Variants in PLCB1 observed in about 807,000 individuals in gnomAD.
PLCB1 encodes 1-phosphatidylinositol 4,5-bisphosphate phosphodiesterase beta-1.
In PLCB1, 46 loss-of-function variants were observed where a neutral mutation model predicts 161.8. The ratio of observed to expected loss-of-function variants is 0.28; its 90% CI spans 0.22 to 0.36. The LOEUF is 0.36. Ranked by LOEUF, PLCB1 falls within the 10% of genes least tolerant of loss-of-function variation. The pLI, the probability that PLCB1 is intolerant of heterozygous loss-of-function variation, is 1.00. For synonymous variants in PLCB1, 517 were observed against 503.7 expected (o/e 1.03, Z -0.35); for missense variants, 1,016 against 1,472.5 (o/e 0.69, Z 5.07).
At chr20:8,224,760 C>G (rs928620153) in intron 2 of PLCB1, among the ~76,000 whole-genome samples, 11 of 152,090 alleles carry the variant, frequency 7.2e-5, no homozygotes, top group African/African-American at 2.7e-4. Flanking sequence ...CCCCGCCCAC[C>G]ACGCCACCCC....
At chr20:8,831,912 C>CTCTCTCTT in intron 31 of PLCB1, among the ~76,000 whole-genome samples, 1 of 58,572 alleles carries the variant, frequency 1.7e-5, no homozygotes, top group African/African-American at 6.0e-5. Flanking sequence ...CTCTTTCTTT[C>CTCTCTCTT]TCTTTCTTTC....
intron 10 of PLCB1, among the ~76,000 whole-genome samples, chr20:8,686,443 G>A (rs976717446): frequency 2.0e-5 from 3 of 152,014 alleles, no homozygotes; most frequent in Non-Finnish European, 2.9e-5. Flanking sequence ...GATTTTTTAC[G>A]AATAATCTTT....
chr20:8,303,354 T>A (rs2662993), intron 2 of PLCB1, among the ~76,000 whole-genome samples: 2,086 of 152,298 alleles, frequency 0.014, 51 homozygotes, highest in African/African-American at 0.046. Flanking sequence ...GAAGAGATAC[T>A]TACCCTCCTG....
Position 8,516,691 on chromosome 20 carries a change from ATATATATATATATATATATG to A in PLCB1, c.247-111599_247-111580del, listed in dbSNP as rs1292854086. Among the ~76,000 whole-genome samples, 28 of 131,852 alleles carry A rather than the reference ATATATATATATATATATATG, an allele frequency of 2.1e-4. 1 individual carries two copies. Among genetic ancestry groups the A allele is most frequent in the Admixed American group, 1.1e-3 (15 of 13,246 alleles). 86.5% of individuals were successfully genotyped at this position (131,852 alleles called of 152,430 possible). On this transcript the variant is annotated intron_variant, in intron 3 of 31. Transcript: ENST00000338037. ...TATATATATATATATATATATATAT[ATATATATATATATATATATG>A]TATTCCATTTTGATGCTATATACTA...
chr20:8,463,994 T>G (rs2122694240), intron 3 of PLCB1, among the ~76,000 whole-genome samples: 1 of 152,296 alleles, frequency 6.6e-6, no homozygotes, highest in East Asian at 1.9e-4. Flanking sequence ...CCGGGAGTAT[T>G]GTTAAATATT....
rs977585163 is a variant in PLCB1 at position 8,366,880 on chromosome 20, T to A, written c.178-4502T>A. ...ATTCCTTTCTCATTGTTGGATGGAC[T>A]TCAAGGTTAGAGAGAACAAATTTTA... On this transcript the variant is annotated intron_variant, in intron 2 of 31. Coordinates refer to ENST00000338037, the MANE Select transcript of PLCB1 (RefSeq NM_015192.4). 7.2e-5 allele frequency among the ~76,000 whole-genome samples: 11 copies of A among 152,366 alleles called. No individual in the cohort carries two copies. In the Middle Eastern group the frequency reaches 0.014, roughly 188 times the overall value.
Position 8,132,680 on chromosome 20 carries a change from C to G in PLCB1, c.29C>G (p.Ala10Gly), listed in dbSNP as rs1568564198. 6.2e-7 allele frequency: 1 copy of G among 1,612,744 alleles called. No homozygotes were observed. Reference protein sequence around the residue: MAGAQPGVHALQLKPVCVSD... With the variant: MAGAQPGVHGLQLKPVCVSD... ...GCCGGGGCTCAACCCGGAGTGCACG[C>G]CTTGCAACTCAAGCCCGTGTGCGTG... The change falls in exon 1 of 32, where the codon GCC (alanine) becomes GGC (glycine). Residue 10 changes from alanine to glycine, a missense_variant. Physicochemically the swap from Ala to Gly is moderately conservative, Grantham distance 60. This residue lies in a region of PLCB1 where 181 missense variants were observed against 236.7 expected (regional missense o/e 0.76). Transcript: ENST00000338037. This position sits in a 1 kb window ranked among gnomAD's most constrained non-coding sequence, Gnocchi z 5.2.
At chr20:8,442,856 CTT>C (rs905463519) in intron 3 of PLCB1, among the ~76,000 whole-genome samples, 4 of 152,058 alleles carry the variant, frequency 2.6e-5, no homozygotes, top group Non-Finnish European at 5.9e-5. Context: ...GCTACCAAGT[CTT>C]TGTTATTCCC....
intron 31 of PLCB1, among the ~76,000 whole-genome samples, chr20:8,845,125 T>TAAATAAAATA (rs11474524): frequency 0.044 from 6,603 of 151,176 alleles, 214 homozygotes; most frequent in African/African-American, 0.087. Context: ...AAAAAATAAA[T>TAAATAAAATA]AAATAAAATA....
intron 3 of PLCB1, chr20:8,371,991 G>T (rs578049003): frequency 6.6e-6 from 1 of 152,358 alleles, no homozygotes; most frequent in South Asian, 2.1e-4. Context: ...ATTCAAAGAA[G>T]TGTTTGCAGT....
Position 8,788,435 on chromosome 20 carries a change from T to G in PLCB1, c.3112-14T>G. ...AATCATTTGAAATAGCAAACTGACA[T>G]TTTCTTTTTCCAGCTTATTCAAAAG... On this transcript the variant is annotated splice_polypyrimidine_tract_variant and intron_variant, in intron 27 of 31. Coordinates refer to ENST00000338037, the MANE Select transcript of PLCB1 (RefSeq NM_015192.4). 6.2e-7 allele frequency: 1 copy of G among 1,611,338 alleles called. No homozygotes were observed. The highest frequency in any genetic ancestry group is 8.5e-7 in the Non-Finnish European group (1 of 1,178,792).
chr20:8,517,294 G>T (rs1033572987), intron 3 of PLCB1, among the ~76,000 whole-genome samples: 24 of 152,182 alleles, frequency 1.6e-4, no homozygotes, highest in African/African-American at 5.8e-4. Context: ...TGAAACAACA[G>T]TAGTTGCTCT....
At chr20:8,230,287 G>A (rs1240396740) in intron 2 of PLCB1, among the ~76,000 whole-genome samples, 1 of 151,846 alleles carries the variant, frequency 6.6e-6, no homozygotes, top group East Asian at 1.9e-4. Context: ...TACATATTTG[G>A]GATACATGTG....
At chr20:8,538,795 CTTT>C (rs3032826) in intron 3 of PLCB1, among the ~76,000 whole-genome samples, 1 of 141,636 alleles carries the variant, frequency 7.1e-6, no homozygotes, top group African/African-American at 2.6e-5. Flanking sequence ...TTACAGCTAA[CTTT>C]TTTTTTTTTT....
chr20:8,306,753 G>A, intron 2 of PLCB1, among the ~76,000 whole-genome samples: 1 of 152,236 alleles, frequency 6.6e-6, no homozygotes, highest in East Asian at 1.9e-4. Context: ...AATTTTGTAC[G>A]TGAACAGTTT....
intron 9 of PLCB1, among the ~76,000 whole-genome samples, chr20:8,672,399 C>CTT (rs11289990): frequency 2.9e-5 from 4 of 138,560 alleles, no homozygotes; most frequent in African/African-American, 5.4e-5. Context: ...CTGTTATACT[C>CTT]TTTTTTTTTT....
intron 31 of PLCB1, among the ~76,000 whole-genome samples, chr20:8,847,114 TATGAA>T (rs2146297121): frequency 6.6e-6 from 1 of 152,318 alleles, no homozygotes; most frequent in Admixed American, 6.5e-5. Flanking sequence ...GTGATTCTAA[TATGAA>T]GCCAAGGTTG....
At chr20:8,698,020 A>G (rs1300332651) in intron 11 of PLCB1, among the ~76,000 whole-genome samples, 1 of 152,230 alleles carries the variant, frequency 6.6e-6, no homozygotes, top group African/African-American at 2.4e-5. Context: ...ATATCAAGGT[A>G]TTTGTCTTGT....
At chr20:8,726,200 A>C (rs896957210) in intron 16 of PLCB1, among the ~76,000 whole-genome samples, 1 of 152,170 alleles carries the variant, frequency 6.6e-6, no homozygotes, top group Admixed American at 6.6e-5. Context: ...TGCTATACTT[A>C]TCTAAAATAC....
Sources: allele counts gnomAD v4.1 joint callset (sites outside exome capture counted in the v4.1 genomes callset), GRCh38; gene constraint gnomAD v4.1.1; regional missense constraint gnomAD v4.1.1; non-coding constraint Gnocchi (gnomAD v3.1); transcripts MANE v1.5; gene names NCBI Gene and HGNC (gene_info 2026-07-23, HGNC 2026-07-21).